The following PCDHA6 variants were observed in gnomAD, a reference collection of about 807,000 sequenced individuals.
The protein encoded by PCDHA6 is protocadherin alpha-6.
PCDHA6 carries 55 observed loss-of-function variants against 60.3 expected under a neutral mutation model. The ratio of observed to expected loss-of-function variants is 0.91; its 90% CI spans 0.73 to 1.14. PCDHA6 has a LOEUF of 1.14. PCDHA6 is among the 50% of genes most tolerant of loss of function. The pLI is 0.00. For synonymous variants in PCDHA6, 652 were observed against 557.9 expected (o/e 1.17, Z -2.38); for missense variants, 1,327 against 1,256.5 (o/e 1.06, Z -0.85).
chr5:140,944,255 A>G (rs1266795910), intron 1 of PCDHA6, among the ~76,000 whole-genome samples: 5 of 152,098 alleles, frequency 3.3e-5, no homozygotes, highest in African/African-American at 1.2e-4. Context: ...TGATGTGATC[A>G]CTGCTCACTG....
At position 140,830,130 on chromosome 5, in the gene PCDHA6, C is replaced by G; in HGVS notation, c.2039C>G (p.Ser680Ter). The G allele has an allele frequency of 6.2e-7, 1 of 1,613,418 alleles. No homozygotes were observed. The highest frequency in any genetic ancestry group is 8.5e-7 in the Non-Finnish European group (1 of 1,179,872). ...AGTGGCCAGGCTCCAAAGGCGTCAT[C>G]ACGGGCGTCGGTGGGCGCCGCGGGC... Reference protein sequence around the residue: ...VESGQAPKASSRASVGAAGPE... With the variant: ...VESGQAPKAS The change falls in exon 1 of 4, where the codon TCA (serine) becomes TGA (stop). Residue 680 changes from serine (S) to a stop codon, truncating the protein, a stop_gained. Coordinates refer to ENST00000529310, the MANE Select transcript of PCDHA6 (RefSeq NM_018909.4). LOFTEE classifies it high-confidence loss of function.
chr5:140,828,730 A>G lies in PCDHA6; in HGVS notation c.639A>G (p.Thr213=), dbSNP rs2150158327. The G allele has an allele frequency of 1.2e-6, 2 of 1,614,250 alleles. No individual in the cohort carries two copies. Among genetic ancestry groups the G allele is most frequent in the Non-Finnish European group, 1.7e-6 (2 of 1,180,046 alleles). The part of the protein sequence containing the change: ...EEAPAHNLFL[T]ATDGGKPELT... ...CTCCTGCACACAACTTATTCCTGAC[A>G]GCCACAGATGGGGGCAAACCTGAGC... Residue 213 remains threonine, a synonymous_variant, in exon 1 of 4, where the codon ACA becomes ACG. Coordinates refer to ENST00000529310, the MANE Select transcript of PCDHA6 (RefSeq NM_018909.4).
At chr5:140,879,634 C>T (rs888836313) in intron 1 of PCDHA6, among the ~76,000 whole-genome samples, 2 of 152,306 alleles carry the variant, frequency 1.3e-5, no homozygotes, top group Admixed American at 1.3e-4. Context: ...GTAAGTGTGT[C>T]GCTTCCTGTG....
At chr5:140,993,540 A>T (rs1189758746) in intron 3 of PCDHA6, among the ~76,000 whole-genome samples, 7 of 151,678 alleles carry the variant, frequency 4.6e-5, no homozygotes, top group Non-Finnish European at 8.8e-5. Context: ...AGAGAGAGAT[A>T]GAGAAGTGAA....
Position 140,982,613 on chromosome 5 carries a change from A to G in PCDHA6, c.2542+50A>G, listed in dbSNP as rs201150239. ...CTTTCTTGGTTTCTGGAAAGTGATC[A>G]GATGACCTACTTTTGTAAGATCAGG... On this transcript the variant is annotated intron_variant, in intron 3 of 3. Transcript: ENST00000529310. 2.7e-5 allele frequency: 43 copies of G among 1,599,298 alleles called. No individual in the cohort carries two copies. The Admixed American group carries it at 7.0e-4, about 26-fold the overall frequency.
Position 140,841,359 on chromosome 5 carries a change from G to T in PCDHA6, c.2394+10874G>T, listed in dbSNP as rs2150314214. 1.2e-5 allele frequency: 20 copies of T among 1,613,174 alleles called. No homozygotes were observed. Among genetic ancestry groups the T allele is most frequent in the Non-Finnish European group, 1.6e-5 (19 of 1,179,474 alleles). On this transcript the variant is annotated intron_variant, in intron 1 of 3. Transcript: ENST00000529310. Reference sequence around the variant, plus strand: ...TGGCGAGGAGAGCTGGGATCCTGGCGACTACTACTCTTGCTTCTGCTCCTC... The same window carrying T: ...TGGCGAGGAGAGCTGGGATCCTGGCTACTACTACTCTTGCTTCTGCTCCTC...
intron 1 of PCDHA6, chr5:140,883,883 G>A (rs1554180418): frequency 1.2e-6 from 2 of 1,613,320 alleles, no homozygotes; most frequent in South Asian, 1.1e-5. Flanking sequence ...GAGCGCGCGC[G>A]ACTCTGGCGT....
intron 1 of PCDHA6, among the ~76,000 whole-genome samples, chr5:140,934,486 A>G (rs1243287097): frequency 6.6e-6 from 1 of 152,124 alleles, no homozygotes; most frequent in East Asian, 1.9e-4. Context: ...AATTATATTC[A>G]CCTCATAAAC....
intron 1 of PCDHA6, among the ~76,000 whole-genome samples, chr5:140,954,220 T>C (rs782685715): frequency 2.0e-5 from 3 of 152,240 alleles, no homozygotes; most frequent in African/African-American, 4.8e-5. Context: ...GTTTTTGCTA[T>C]TGTGAATAGT....
At chr5:140,889,160 A>T (rs1582978614) in intron 1 of PCDHA6, among the ~76,000 whole-genome samples, 1 of 151,778 alleles carries the variant, frequency 6.6e-6, no homozygotes, top group Middle Eastern at 3.4e-3. Context: ...TTCTTTGTTA[A>T]GTATTCAAGT....
At chr5:140,866,823 A>G (rs1375177663) in intron 1 of PCDHA6, 1 of 152,130 alleles carries the variant, frequency 6.6e-6, no homozygotes, top group Non-Finnish European at 1.5e-5. Context: ...TTAATCTTCA[A>G]TTGATTTTAC....
chr5:140,842,833 G>A (rs2150345811), intron 1 of PCDHA6: 9 of 1,593,762 alleles, frequency 5.6e-6, no homozygotes. Flanking sequence ...AGCGCTCGCT[G>A]TCGAGCTACA....
chr5:141,005,797 A>G (rs1444669955), intron 3 of PCDHA6, among the ~76,000 whole-genome samples: 2 of 150,756 alleles, frequency 1.3e-5, no homozygotes, highest in East Asian at 1.9e-4. Context: ...GGCAAAAACA[A>G]CTCCAAGGAG....
chr5:140,851,270 A>G lies in PCDHA6; in HGVS notation c.2394+20785A>G. On this transcript the variant is annotated intron_variant, in intron 1 of 3. Transcript: ENST00000529310. ...ATGCATAGTATTTTAGTCTACTTGTATTGTTTATAAGAAACCCAAGCAAAA... is the reference window on the plus strand; with the variant it reads ...ATGCATAGTATTTTAGTCTACTTGTGTTGTTTATAAGAAACCCAAGCAAAA... The G allele has an allele frequency of 9.4e-6, 10 of 1,065,088 alleles. 1 individual carries two copies. Among genetic ancestry groups the G allele is most frequent in the Non-Finnish European group, 1.1e-5 (9 of 851,818 alleles). 66.0% of individuals were successfully genotyped at this position (1,065,088 alleles called of 1,614,324 possible).
At chr5:140,935,894 C>CT (rs55841305) in intron 1 of PCDHA6, among the ~76,000 whole-genome samples, 11,084 of 136,696 alleles carry the variant, frequency 0.081, 520 homozygotes, top group Middle Eastern at 0.14. Context: ...TCAATATTAT[C>CT]TTTTTTTTTT....
chr5:140,830,163 C>CCA lies in PCDHA6; in HGVS notation c.2072_2073insCA (p.Ala692ArgfsTer10). 6.2e-7 allele frequency: 1 copy of CCA among 1,613,430 alleles called. No individual in the cohort carries two copies. Among genetic ancestry groups the CCA allele is most frequent in the African/African-American group, 1.3e-5 (1 of 75,010 alleles). ...TCGGTGGGCGCCGCGGGCCCAGAGG[C>CCA]GGCGCTGGTGGATGTCAACGTGTAC... is the stretch of plus-strand genomic sequence containing the variant. On this transcript the variant is annotated frameshift_variant, in exon 1 of 4. Transcript: ENST00000529310. LOFTEE classifies it high-confidence loss of function.
At chr5:140,870,430 G>C (rs782773036) in intron 1 of PCDHA6, 6 of 1,614,226 alleles carry the variant, frequency 3.7e-6, no homozygotes, top group Non-Finnish European at 5.1e-6. Context: ...GGTATCCGTG[G>C]AGGTGGCCGA....
chr5:140,986,238 A>G (rs1358537911), intron 3 of PCDHA6, among the ~76,000 whole-genome samples: 1 of 152,152 alleles, frequency 6.6e-6, no homozygotes. Context: ...CCTCTGTGTG[A>G]GCAGACCCGG....
At chr5:140,851,695 G>T in intron 1 of PCDHA6, 1 of 939,814 alleles carries the variant, frequency 1.1e-6, no homozygotes, top group Non-Finnish European at 1.3e-6. Flanking sequence ...GTGATAAAAT[G>T]ATCAGCCATG....
Sources: allele counts gnomAD v4.1 joint callset (sites outside exome capture counted in the v4.1 genomes callset), GRCh38; gene constraint gnomAD v4.1.1; transcripts MANE v1.5; gene names NCBI Gene and HGNC (gene_info 2026-07-23, HGNC 2026-07-21).